The following CACNA2D3 variants were observed in gnomAD, a reference collection of about 807,000 sequenced individuals.
CACNA2D3 encodes voltage-dependent calcium channel subunit alpha-2/delta-3.
Under a neutral mutation model 160.6 loss-of-function variants are expected in CACNA2D3, and 60 were observed. That is an observed-to-expected ratio of 0.37 (90% confidence interval 0.30 to 0.46). CACNA2D3 has a LOEUF of 0.46. Among genes scored for constraint, CACNA2D3 ranks in the 20% least tolerant of loss-of-function variants. The probability of loss-of-function intolerance (pLI) is 1.00; values close to 1 mark genes in which losing one functional copy is unlikely to be tolerated. For missense variants in CACNA2D3, 1,205 were observed against 1,365.0 expected (o/e 0.88, Z 1.85); for synonymous variants, 558 against 492.9 (o/e 1.13, Z -1.75).
intron 27 of CACNA2D3, chr3:54,925,334 C>T (rs1465789923): frequency 2.5e-6 from 2 of 788,008 alleles, no homozygotes; most frequent in Non-Finnish European, 4.1e-6. Flanking sequence ...CTTCTACAAC[C>T]TGCAAGAGAG....
At chr3:54,709,472 C>A (rs529533978) in intron 11 of CACNA2D3, among the ~76,000 whole-genome samples, 1 of 152,172 alleles carries the variant, frequency 6.6e-6, no homozygotes, top group East Asian at 1.9e-4. Flanking sequence ...AGTGATCCTC[C>A]CACTCAGCCT....
intron 11 of CACNA2D3, among the ~76,000 whole-genome samples, chr3:54,719,954 T>C (rs897841423): frequency 2.0e-5 from 3 of 151,996 alleles, no homozygotes; most frequent in South Asian, 2.1e-4. Flanking sequence ...AGTCCCCTTA[T>C]TTCCTTTTTC....
chr3:54,350,794 C>T (rs1698538597), intron 3 of CACNA2D3, among the ~76,000 whole-genome samples: 1 of 152,064 alleles, frequency 6.6e-6, no homozygotes, highest in South Asian at 2.1e-4. Context: ...AATGTGTTCT[C>T]TACCTGTCTG....
chr3:54,424,968 A>G (rs1699891365), intron 4 of CACNA2D3, among the ~76,000 whole-genome samples: 1 of 152,152 alleles, frequency 6.6e-6, no homozygotes, highest in Admixed American at 6.5e-5. Context: ...GAAAAAAGAG[A>G]GAAGGACCCC....
At chr3:54,514,687 G>A (rs1362293529) in intron 5 of CACNA2D3, among the ~76,000 whole-genome samples, 2 of 152,126 alleles carry the variant, frequency 1.3e-5, no homozygotes, top group Non-Finnish European at 2.9e-5. Context: ...GGGTGAACTG[G>A]GAAGGTGGGG....
At chr3:54,648,390 G>A (rs1371219224) in intron 11 of CACNA2D3, among the ~76,000 whole-genome samples, 2 of 152,200 alleles carry the variant, frequency 1.3e-5, no homozygotes, top group Admixed American at 1.3e-4. Context: ...TTGTGACAAA[G>A]ACCAGATGGC....
At chr3:54,987,347 A>C (rs927046716) in intron 30 of CACNA2D3, among the ~76,000 whole-genome samples, 2 of 152,172 alleles carry the variant, frequency 1.3e-5, no homozygotes, top group Non-Finnish European at 2.9e-5. Flanking sequence ...GTAGTGTTTT[A>C]ATCACACGGG....
chr3:54,859,251 TG>T (rs1699233398), intron 17 of CACNA2D3, among the ~76,000 whole-genome samples: 1 of 152,232 alleles, frequency 6.6e-6, no homozygotes. Flanking sequence ...GTTGAGACCA[TG>T]GGCTCTTTGG....
At chr3:54,890,512 AAAG>A (rs1177151542) in intron 24 of CACNA2D3, among the ~76,000 whole-genome samples, 6 of 150,986 alleles carry the variant, frequency 4.0e-5, no homozygotes, top group Admixed American at 6.6e-5. Context: ...AAAAAAAAAA[AAAG>A]AAAAAGAAAG....
intron 5 of CACNA2D3, among the ~76,000 whole-genome samples, chr3:54,554,461 G>C (rs1031266498): frequency 6.6e-6 from 1 of 152,190 alleles, no homozygotes; most frequent in African/African-American, 2.4e-5. Flanking sequence ...AAAGAGACTT[G>C]CATAAAGTCT....
Position 54,534,759 on chromosome 3 carries a change from C to CAA in CACNA2D3, c.545-28032_545-28031dup, listed in dbSNP as rs11384118. Among the ~76,000 whole-genome samples the CAA allele has an allele frequency of 6.3e-3, 931 of 148,302 alleles. 9 individuals are homozygous for CAA. The highest frequency in any genetic ancestry group is 0.014 in the Middle Eastern group (4 of 290). On this transcript the variant is annotated intron_variant, in intron 5 of 37. Coordinates refer to ENST00000474759, the MANE Select transcript of CACNA2D3 (RefSeq NM_018398.3). Reference sequence around the variant, plus strand: ...CCAACATGACAAAACGTTGTCTCTACAAAAAAAAAATAGAAAAATTAGCCA... The same window carrying CAA: ...CCAACATGACAAAACGTTGTCTCTACAAAAAAAAAAAATAGAAAAATTAGCCA...
intron 4 of CACNA2D3, among the ~76,000 whole-genome samples, chr3:54,476,266 A>G (rs889124829): frequency 2.7e-5 from 4 of 150,110 alleles, no homozygotes; most frequent in Non-Finnish European, 5.9e-5. Context: ...GTGTGTATAT[A>G]TATATATCAC....
chr3:54,549,212 C>T (rs1038511761), intron 5 of CACNA2D3, among the ~76,000 whole-genome samples: 6 of 152,094 alleles, frequency 3.9e-5, no homozygotes, highest in African/African-American at 1.4e-4. Context: ...TTTGGGAGAC[C>T]GAGGCGGGCG....
intron 13 of CACNA2D3, among the ~76,000 whole-genome samples, chr3:54,812,772 A>G (rs753215337): frequency 5.9e-5 from 9 of 152,118 alleles, no homozygotes; most frequent in Admixed American, 1.3e-4. Flanking sequence ...CTTGTCCTTG[A>G]CTTTCAACAG....
intron 35 of CACNA2D3, among the ~76,000 whole-genome samples, chr3:55,051,575 C>T (rs1704216221): frequency 6.6e-6 from 1 of 151,738 alleles, no homozygotes; most frequent in African/African-American, 2.4e-5. Context: ...TGTGCCCTCC[C>T]TCCAGAGGTG....
chr3:54,234,172 T>G (rs1267028983), intron 2 of CACNA2D3, among the ~76,000 whole-genome samples: 1 of 151,930 alleles, frequency 6.6e-6, no homozygotes, highest in East Asian at 1.9e-4. Flanking sequence ...TAAAAAAAAC[T>G]CCATTAAAAA....
chr3:54,123,757 C>T (rs1364974831), intron 2 of CACNA2D3, among the ~76,000 whole-genome samples, 163 bp downstream of exon 2: 1 of 152,144 alleles, frequency 6.6e-6, no homozygotes, highest in Non-Finnish European at 1.5e-5. Context: ...CTTCTTCCTA[C>T]CAACCGGTTA....
At chr3:54,447,961 G>T (rs576834739) in intron 4 of CACNA2D3, among the ~76,000 whole-genome samples, 1 of 152,144 alleles carries the variant, frequency 6.6e-6, no homozygotes, top group Non-Finnish European at 1.5e-5. Context: ...GATATCAGTG[G>T]GAAGTGACAG....
At chr3:54,690,458 A>G (rs924820212) in intron 11 of CACNA2D3, among the ~76,000 whole-genome samples, 7 of 152,348 alleles carry the variant, frequency 4.6e-5, no homozygotes, top group African/African-American at 1.7e-4. Flanking sequence ...GGCCCAGCAC[A>G]AAGTAAATAT....
Sources: gnomAD v4.1 joint callset for allele counts (sites outside exome capture counted in the v4.1 genomes callset) on GRCh38, gnomAD v4.1.1 for gene constraint, MANE v1.5 for transcripts, NCBI Gene and HGNC (gene_info 2026-07-23, HGNC 2026-07-21) for gene names.